TIMELESS: variants seen among roughly 807,000 people sequenced by gnomAD.
TIMELESS encodes the protein timeless circadian regulator, also known as protein timeless homolog.
In TIMELESS, 124 loss-of-function variants were observed where a neutral mutation model predicts 164.3. The observed-to-expected ratio is 0.75, with a 90% CI of 0.65 to 0.88. TIMELESS has a LOEUF of 0.88. Among genes scored for constraint, TIMELESS ranks in the 40% least tolerant of loss-of-function variants. The pLI is 0.00. For synonymous variants in TIMELESS, 564 were observed against 563.4 expected (o/e 1.00, Z -0.02); for missense variants, 1,422 against 1,491.4 (o/e 0.95, Z 0.77).
At position 56,431,587 on chromosome 12, in the gene TIMELESS, C is replaced by A; in HGVS notation, c.705G>T (p.Ala235=). 6.2e-7 allele frequency: 1 copy of A among 1,612,696 alleles called. No individual in the cohort carries two copies. The highest frequency in any genetic ancestry group is 8.5e-7 in the Non-Finnish European group (1 of 1,179,698). The change falls in exon 8 of 29, where the codon GCG becomes GCT. Residue 235 remains alanine, a synonymous_variant. Transcript: ENST00000553532. ...GAGCTAAGCGTCCCTGCCCTACTCC[C>A]GCCAGCTGCTCGGGGTTCTAGATTG... The part of the protein sequence containing the change: ...MFRDQNPEQL[A]GVGQGRLAQE...
At chr12:56,441,312 C>T (rs1005760222) in intron 1 of TIMELESS, among the ~76,000 whole-genome samples, 1 of 152,172 alleles carries the variant, frequency 6.6e-6, no homozygotes, top group African/African-American at 2.4e-5. Context: ...GCACTCTACC[C>T]AGTGCTGAGC....
rs1291170637 is a variant in TIMELESS, at chr12:56,432,452, G to C, written c.604C>G (p.Leu202Val). The change falls in exon 7 of 29, where the codon CTC (leucine) becomes GTC (valine). Residue 202 changes from leucine (L) to valine (V), a missense_variant. Physicochemically the swap from Leu to Val is conservative, Grantham distance 32. Coordinates refer to ENST00000553532, the MANE Select transcript of TIMELESS (RefSeq NM_003920.5). ...AIHLSGLDDLLLFLASSSAEE... is the reference protein window; with the variant it reads ...AIHLSGLDDLVLFLASSSAEE... The stretch of plus-strand genomic sequence containing the variant: ...GCAGACGAGCTGGCCAGAAAGAGGA[G>C]CAGGTCATCCAGGCCGCTGAGGTGA... 3.1e-6 allele frequency: 5 copies of C among 1,614,122 alleles called. No homozygotes were observed. In the African/African-American group the frequency reaches 5.3e-5, roughly 17 times the overall value.
intron 13 of TIMELESS, among the ~76,000 whole-genome samples, chr12:56,426,385 CTTTTTTT>C (rs35546587): frequency 7.3e-6 from 1 of 137,122 alleles, no homozygotes; most frequent in African/African-American, 2.7e-5. Context: ...GGTACAAAAT[CTTTTTTT>C]TTTTTTTTTT....
At chr12:56,427,890 T>C (rs1041095462) in intron 13 of TIMELESS, among the ~76,000 whole-genome samples, 2 of 152,224 alleles carry the variant, frequency 1.3e-5, no homozygotes, top group Non-Finnish European at 2.9e-5. Flanking sequence ...TTTAAGGCTC[T>C]TTCCACCTCA....
Position 56,425,143 on chromosome 12 carries a change from T to C in TIMELESS, c.1588A>G (p.Lys530Glu). Reference sequence around the variant, plus strand: ...TTCTTCTTCTTCTTCCTTCTCTTCTTTTGTTTGTTCTGTGGGGAAAGAATT... The same window carrying C: ...TTCTTCTTCTTCTTCCTTCTCTTCTCTTGTTTGTTCTGTGGGGAAAGAATT... ...RGNLVVQNKQKKRRKKKKKVL... is the reference protein window; with the variant it reads ...RGNLVVQNKQEKRRKKKKKVL... The change falls in exon 14 of 29, where the codon AAG becomes GAG. Residue 530 changes from lysine to glutamate, a missense_variant. Transcript: ENST00000553532. The C allele has an allele frequency of 6.2e-7, 1 of 1,613,282 alleles. No homozygotes were observed. The highest frequency in any genetic ancestry group is 8.5e-7 in the Non-Finnish European group (1 of 1,179,876).
intron 1 of TIMELESS, among the ~76,000 whole-genome samples, chr12:56,438,863 A>G (rs1482486593): frequency 6.6e-6 from 1 of 150,672 alleles, no homozygotes; most frequent in Non-Finnish European, 1.5e-5. Context: ...AAACATGTTC[A>G]GTGAAAGAAG....
Position 56,428,877 on chromosome 12 carries a change from A to C in TIMELESS, c.1304+6T>G, listed in dbSNP as rs200679213. The C allele has an allele frequency of 6.2e-6, 10 of 1,612,778 alleles. No homozygotes were observed. In the Admixed American group the frequency reaches 1.5e-4, roughly 24 times the overall value. On this transcript the variant is annotated splice_donor_region_variant and intron_variant, in intron 11 of 28. Transcript: ENST00000553532. ...TCACTGTATCTCCAGTAACCATCCC[A>C]CTCACCGGCGTGCCCAGGAGGCAGC... is the stretch of plus-strand genomic sequence containing the variant.
At position 56,433,759 on chromosome 12, in the gene TIMELESS, G is replaced by T; in HGVS notation, c.251+14C>A. 6.2e-7 allele frequency: 1 copy of T among 1,614,038 alleles called. No homozygotes were observed. The highest frequency in any genetic ancestry group is 8.5e-7 in the Non-Finnish European group (1 of 1,179,926). On this transcript the variant is annotated intron_variant, in intron 3 of 28. Transcript: ENST00000553532. ...CCTGGCAGGTGGCAAAAGTTTAAAAGCTAGGGAGGCAACCTGATAACAGCA... is the reference window on the plus strand; with the variant it reads ...CCTGGCAGGTGGCAAAAGTTTAAAATCTAGGGAGGCAACCTGATAACAGCA...
At chr12:56,421,856 C>T (rs200641771) in intron 21 of TIMELESS, 43 bp downstream of exon 21, 40 of 1,613,424 alleles carry the variant, frequency 2.5e-5, no homozygotes, top group Admixed American at 1.7e-5. Flanking sequence ...GAAGTGATCA[C>T]GAGTCCCCAT....
Position 56,423,615 on chromosome 12 carries a change from T to C in TIMELESS, c.2059A>G (p.Lys687Glu). ...AGGTAGTCCAGAAAATTAAATTCTTTCTCCGACACCTGGACCACTTGCAAC... is the reference window on the plus strand; with the variant it reads ...AGGTAGTCCAGAAAATTAAATTCTTCCTCCGACACCTGGACCACTTGCAAC... ...EELQVVQVSEKEFNFLDYLKR... is the reference protein window; with the variant it reads ...EELQVVQVSEEEFNFLDYLKR... The change falls in exon 17 of 29, where the codon AAA (lysine) becomes GAA (glutamate). Residue 687 changes from lysine to glutamate, a missense_variant. Physicochemically the swap from Lys to Glu is moderately conservative, Grantham distance 56. Transcript: ENST00000553532. The C allele has an allele frequency of 6.2e-7, 1 of 1,614,124 alleles. No homozygotes were observed. The highest frequency in any genetic ancestry group is 8.5e-7 in the Non-Finnish European group (1 of 1,180,030).
intron 6 of TIMELESS, 127 bp from the exon 7 acceptor site, chr12:56,432,651 A>C: frequency 7.4e-7 from 1 of 1,354,462 alleles, no homozygotes; most frequent in Non-Finnish European, 1.0e-6. Flanking sequence ...AATAGCCCAA[A>C]AAGGGCAGCT....
intron 13 of TIMELESS, among the ~76,000 whole-genome samples, chr12:56,426,823 G>C (rs2136138419): frequency 6.6e-6 from 1 of 152,252 alleles, no homozygotes; most frequent in African/African-American, 2.4e-5. Context: ...GCCTCCCAAA[G>C]TGCTGGGATT....
At chr12:56,421,840 G>A in intron 21 of TIMELESS, 31 bp from the exon 22 acceptor site, 1 of 1,613,496 alleles carries the variant, frequency 6.2e-7, no homozygotes, top group Non-Finnish European at 8.5e-7. Flanking sequence ...GGAAGAGGAA[G>A]CCCAGGAAGT....
At chr12:56,431,901 A>T (rs955256091) in intron 7 of TIMELESS, among the ~76,000 whole-genome samples, 10 of 151,878 alleles carry the variant, frequency 6.6e-5, no homozygotes, top group African/African-American at 2.4e-4. Context: ...TATATGTGCT[A>T]TATATATAGT....
intron 1 of TIMELESS, among the ~76,000 whole-genome samples, chr12:56,446,163 C>CA (rs1164350164): frequency 6.6e-6 from 1 of 152,186 alleles, no homozygotes; most frequent in African/African-American, 2.4e-5. Context: ...CCTGGGCTCC[C>CA]AAAGTGCTGG....
At chr12:56,424,017 TACC>T in intron 15 of TIMELESS, 123 bp from the exon 16 acceptor site, 1 of 849,394 alleles carries the variant, frequency 1.2e-6, no homozygotes, top group Non-Finnish European at 1.8e-6. Flanking sequence ...TGCAAACTGT[TACC>T]TCAAATGAAA....
At chr12:56,430,344 G>A (rs564965480) in intron 9 of TIMELESS, 63 bp from the exon 10 acceptor site, 95 of 1,527,870 alleles carry the variant, frequency 6.2e-5, no homozygotes, top group East Asian at 3.0e-4. Flanking sequence ...TGCAGCTCTC[G>A]TCAATTTTCT....
At chr12:56,434,916 C>G (rs928992353) in intron 1 of TIMELESS, among the ~76,000 whole-genome samples, 1 of 152,178 alleles carries the variant, frequency 6.6e-6, no homozygotes, top group African/African-American at 2.4e-5. Context: ...CACACACCTG[C>G]ACTCCTACCT....
chr12:56,431,370 A>G, intron 8 of TIMELESS, 101 bp downstream of exon 8: 1 of 1,326,952 alleles, frequency 7.5e-7, no homozygotes. Context: ...AAAAAAAAAA[A>G]AACACTAAAA....
Sources: gnomAD v4.1 joint callset for allele counts (sites outside exome capture counted in the v4.1 genomes callset) on GRCh38, gnomAD v4.1.1 for gene constraint, MANE v1.5 for transcripts, NCBI Gene and HGNC (gene_info 2026-07-23, HGNC 2026-07-21) for gene names.